ARID5A: variants seen among roughly 807,000 people sequenced by gnomAD.
ARID5A encodes the protein AT-rich interactive domain-containing protein 5A.
ARID5A carries 14 observed loss-of-function variants against 30.5 expected under a neutral mutation model. That is an observed-to-expected ratio of 0.46 (90% CI 0.30 to 0.72). The LOEUF (loss-of-function observed/expected upper bound fraction) is 0.72. Ranked by LOEUF, ARID5A falls within the 30% of genes least tolerant of loss-of-function variation. ARID5A has a pLI of 0.07. For synonymous variants in ARID5A, 338 were observed against 340.4 expected (o/e 0.99, Z 0.08); for missense variants, 669 against 786.2 (o/e 0.85, Z 1.78).
intron 1 of ARID5A, among the ~76,000 whole-genome samples, chr2:96,545,705 C>T (rs1297491366): frequency 1.3e-5 from 2 of 151,868 alleles, no homozygotes; most frequent in African/African-American, 4.8e-5. Flanking sequence ...CCTGTAATCC[C>T]AGCACTTTGG....
intron 1 of ARID5A, among the ~76,000 whole-genome samples, chr2:96,544,865 A>C (rs947173535): frequency 7.2e-5 from 11 of 152,236 alleles, no homozygotes; most frequent in African/African-American, 2.7e-4. Context: ...CATTTCAGGT[A>C]CATTTGTGGT....
intron 1 of ARID5A, among the ~76,000 whole-genome samples, chr2:96,538,894 G>C (rs2065794350): frequency 6.6e-6 from 1 of 152,210 alleles, no homozygotes; most frequent in Non-Finnish European, 1.5e-5. Flanking sequence ...GAAAGATGGG[G>C]AGGGAGAGAA....
Position 96,551,085 on chromosome 2 carries a change from TTCTC to T in ARID5A, c.571-11_571-8del. The T allele has an allele frequency of 6.2e-7, 1 of 1,600,986 alleles. No individual in the cohort carries two copies. The highest frequency in any genetic ancestry group is 8.5e-7 in the Non-Finnish European group (1 of 1,172,738). On this transcript the variant is annotated splice_polypyrimidine_tract_variant and intron_variant, in intron 6 of 6. Transcript: ENST00000357485. ...GCTGAGGCAGTCCTGAGGCAAGACT[TTCTC>T]TCATTCCAGATGATGCCAGGAAAGA...
In ARID5A at chr2:96,551,000, G is replaced by A. The variant is rs2104708392; in HGVS notation, c.571-99G>A. 12 of 1,385,974 alleles carry A rather than the reference G, an allele frequency of 8.7e-6. No homozygotes were observed. In the South Asian group the frequency reaches 1.7e-4, roughly 19 times the overall value. The allele number at this position is 1,385,974 out of a possible 1,614,324, so 85.9% of individuals were successfully genotyped here. ...TTCTGTACAGAGGACTGCAGGGGCT[G>A]GCGGGGGACCTGGGCAGGCCTGAAA... On this transcript the variant is annotated intron_variant, in intron 6 of 6. Coordinates refer to ENST00000357485, the MANE Select transcript of ARID5A (RefSeq NM_212481.3). This position sits in a 1 kb window ranked among gnomAD's most constrained non-coding sequence, Gnocchi z 6.6.
chr2:96,547,593 C>T (rs2065951582), intron 2 of ARID5A, 76 bp downstream of exon 2: 1 of 1,346,244 alleles, frequency 7.4e-7, no homozygotes. Context: ...TCCAGGTGAA[C>T]CTGGACACTC....
chr2:96,550,374 G>T lies in ARID5A; in HGVS notation c.410+89G>T. ...CGGGAGGGCCGGGTGGACTCTGCCC[G>T]GAGCGGGCAGGGTATGCGCCGTCCT... On this transcript the variant is annotated intron_variant, in intron 5 of 6. Transcript: ENST00000357485. The surrounding 1 kb of genome is among the most constrained non-coding windows in gnomAD (Gnocchi z 6.6). 1 of 1,427,058 alleles carries T rather than the reference G, an allele frequency of 7.0e-7. No homozygotes were observed. The highest frequency in any genetic ancestry group is 9.1e-7 in the Non-Finnish European group (1 of 1,096,746). The allele number at this position is 1,427,058 out of a possible 1,614,324, so 88.4% of individuals were successfully genotyped here.
In ARID5A at chr2:96,551,789, A is replaced by G. The variant is rs145972469; in HGVS notation, c.1261A>G (p.Met421Val). 3.2e-6 allele frequency: 5 copies of G among 1,554,192 alleles called. No homozygotes were observed. Among genetic ancestry groups the G allele is most frequent in the South Asian group, 1.2e-5 (1 of 81,466 alleles). ...PKPKACWVSP[M>V]AKVPAESPTL... Reference sequence around the variant, plus strand: ...GCCCAAAGCCTGCTGGGTGTCCCCCATGGCCAAGGTCCCAGCCGAGAGCCC... The same window carrying G: ...GCCCAAAGCCTGCTGGGTGTCCCCCGTGGCCAAGGTCCCAGCCGAGAGCCC... Residue 421 changes from methionine (M) to valine (V), a missense_variant, in exon 7 of 7, where the codon ATG (methionine) becomes GTG (valine). Around this residue, in one of 4 missense-constraint regions of ARID5A, gnomAD observed 548 missense variants for 577.4 expected, o/e 0.95. Transcript: ENST00000357485.
intron 2 of ARID5A, among the ~76,000 whole-genome samples, chr2:96,548,562 G>T (rs894679580): frequency 6.6e-6 from 1 of 152,184 alleles, no homozygotes; most frequent in African/African-American, 2.4e-5. Context: ...GAGCCACCGT[G>T]CCCAGCTGGA....
intron 1 of ARID5A, among the ~76,000 whole-genome samples, chr2:96,544,498 C>T (rs1373847870): frequency 2.6e-5 from 4 of 152,230 alleles, no homozygotes; most frequent in Non-Finnish European, 5.9e-5. Flanking sequence ...AATCTACTCA[C>T]TCTGTGTTCT....
rs892783884 is a variant in ARID5A at position 96,536,780 on chromosome 2, C to G, written c.-47C>G. ...TCAGAGAGCGCGGGGTCCGGACAGCCGCGCGCTGAGGGTCTCGGGGCGGGC... is the reference window on the plus strand; with the variant it reads ...TCAGAGAGCGCGGGGTCCGGACAGCGGCGCGCTGAGGGTCTCGGGGCGGGC... On this transcript the variant is annotated 5_prime_UTR_variant, in exon 1 of 7. Transcript: ENST00000357485. The G allele has an allele frequency of 8.2e-6, 10 of 1,225,900 alleles. No individual in the cohort carries two copies. The highest frequency in any genetic ancestry group is 1.6e-5 in the African/African-American group (1 of 64,082). The allele number at this position is 1,225,900 out of a possible 1,614,324, so 75.9% of individuals were successfully genotyped here.
At position 96,549,786 on chromosome 2, in the gene ARID5A, A is replaced by C; in HGVS notation, c.293A>C (p.Lys98Thr). Reference sequence around the variant, plus strand: ...TGGAAGATCTACAAAGCAGTGGAGAAGCTGGGGGCCTATGAGCTGGTAAGG... The same window carrying C: ...TGGAAGATCTACAAAGCAGTGGAGACGCTGGGGGCCTATGAGCTGGTAAGG... ...NLWKIYKAVE[K>T]LGAYELVTGR... Residue 98 changes from lysine (K) to threonine (T), a missense_variant, in exon 4 of 7, where the codon AAG becomes ACG. Coordinates refer to ENST00000357485, the MANE Select transcript of ARID5A (RefSeq NM_212481.3). The surrounding 1 kb of genome is among the most constrained non-coding windows in gnomAD (Gnocchi z 6.1). 1.2e-6 allele frequency: 2 copies of C among 1,613,592 alleles called. No individual in the cohort carries two copies. Among genetic ancestry groups the C allele is most frequent in the Non-Finnish European group, 1.7e-6 (2 of 1,179,824 alleles).
In ARID5A at chr2:96,549,162, AG is replaced by A. The variant is rs1029449912; in HGVS notation, c.121-157del. 8.5e-5 allele frequency among the ~76,000 whole-genome samples: 13 copies of A among 152,162 alleles called. No homozygotes were observed. Among genetic ancestry groups the A allele is most frequent in the Non-Finnish European group, 1.5e-4 (10 of 68,026 alleles). On this transcript the variant is annotated intron_variant, in intron 2 of 6. Coordinates refer to ENST00000357485, the MANE Select transcript of ARID5A (RefSeq NM_212481.3). The surrounding 1 kb of genome is among the most constrained non-coding windows in gnomAD (Gnocchi z 6.1). Reference sequence around the variant, plus strand: ...GCTGACACCTGTGTCTGCCGAACCCAGGAACAGTCACTCCCTCCCAGAACAG... The same window carrying A: ...GCTGACACCTGTGTCTGCCGAACCCAGAACAGTCACTCCCTCCCAGAACAG...
rs370250927 is a variant in ARID5A, at chr2:96,551,704, C to T, written c.1176C>T (p.Asp392=). ...VKEPQLVWGG[D]ANRPSAFHKG... is the part of the protein sequence containing the mutation. ...AGCCCCAGCTGGTGTGGGGCGGAGA[C>T]GCTAACCGCCCTTCTGCGTTCCATA... The change falls in exon 7 of 7, where the codon GAC becomes GAT. Residue 392 remains aspartate (D), a synonymous_variant. Transcript: ENST00000357485. 3.6e-5 allele frequency: 54 copies of T among 1,519,770 alleles called. No individual in the cohort carries two copies. Among genetic ancestry groups the T allele is most frequent in the Middle Eastern group, 1.8e-4 (1 of 5,622 alleles). The allele number at this position is 1,519,770 out of a possible 1,614,324, so 94.1% of individuals were successfully genotyped here. A position where few individuals can be genotyped will look rare whatever the true frequency, so the allele number is the denominator to read the frequency against.
rs1183236984 is a variant in ARID5A at position 96,537,682 on chromosome 2, C to A, written c.4+852C>A. 2 of 176,376 alleles carry A rather than the reference C, an allele frequency of 1.1e-5. No individual in the cohort carries two copies. Among genetic ancestry groups the A allele is most frequent in the Non-Finnish European group, 2.2e-5 (2 of 90,374 alleles). The allele number at this position is 176,376 out of a possible 1,614,324, so 10.9% of individuals were successfully genotyped here. A position where few individuals can be genotyped will look rare whatever the true frequency, so the allele number is the denominator to read the frequency against. On this transcript the variant is annotated intron_variant, in intron 1 of 6. Transcript: ENST00000357485. This position sits in a 1 kb window ranked among gnomAD's most constrained non-coding sequence, Gnocchi z 4.8. ...TGGGCTACGAGCTTGCAGGCGATGC[C>A]CGGCTTCGCGCTCGGCGGGAGCTGC...
Position 96,551,767 on chromosome 2 carries a change from C to T in ARID5A, c.1239C>T (p.Pro413=). 1 of 1,533,372 alleles carries T rather than the reference C, an allele frequency of 6.5e-7. No individual in the cohort carries two copies. The highest frequency in any genetic ancestry group is 8.7e-7 in the Non-Finnish European group (1 of 1,144,508). The allele number at this position is 1,533,372 out of a possible 1,614,324, so 95.0% of individuals were successfully genotyped here. The stretch of plus-strand genomic sequence containing the variant: ...GAAAGGGCATCCTCTACCCCAAGCC[C>T]AAAGCCTGCTGGGTGTCCCCCATGG... ...GSRKGILYPK[P]KACWVSPMAK... The change falls in exon 7 of 7, where the codon CCC becomes CCT. Residue 413 remains proline, a synonymous_variant. Transcript: ENST00000357485.
chr2:96,547,312 G>A, intron 1 of ARID5A, 90 bp from the exon 2 acceptor site: 2 of 1,126,884 alleles, frequency 1.8e-6, no homozygotes, highest in Non-Finnish European at 1.3e-6. Flanking sequence ...CCAATTGGGA[G>A]TAGGGAGAGT....
chr2:96,552,029 A>G lies in ARID5A; in HGVS notation c.1501A>G (p.Arg501Gly). 6.5e-7 allele frequency: 1 copy of G among 1,538,646 alleles called. No individual in the cohort carries two copies. The highest frequency in any genetic ancestry group is 8.7e-7 in the Non-Finnish European group (1 of 1,143,186). The change falls in exon 7 of 7, where the codon AGG becomes GGG. Residue 501 changes from arginine (R) to glycine (G), a missense_variant. Coordinates refer to ENST00000357485, the MANE Select transcript of ARID5A (RefSeq NM_212481.3). ...ALGPVPPEAYRGTMLHCPLNF... is the reference protein window; with the variant it reads ...ALGPVPPEAYGGTMLHCPLNF... ...GGGGCCTGTGCCCCCAGAGGCCTAC[A>G]GGGGCACCATGCTGCACTGCCCGCT...
At position 96,551,437 on chromosome 2, in the gene ARID5A, GCTGA is replaced by G. The variant is rs2066040974; in HGVS notation, c.914_917del (p.Thr305ArgfsTer7). 1 of 1,596,750 alleles carries G rather than the reference GCTGA, an allele frequency of 6.3e-7. No individual in the cohort carries two copies. The highest frequency in any genetic ancestry group is 8.5e-7 in the Non-Finnish European group (1 of 1,172,332). Reference sequence around the variant, plus strand: ...CAGAGAGTCCCCAGAGCCCCAAAGGGCTGACTGAGAACTCCAGGCACCGGCTGAC... The same window carrying G: ...CAGAGAGTCCCCAGAGCCCCAAAGGGCTGAGAACTCCAGGCACCGGCTGAC... On this transcript the variant is annotated frameshift_variant, in exon 7 of 7. Coordinates refer to ENST00000357485, the MANE Select transcript of ARID5A (RefSeq NM_212481.3). LOFTEE classifies it low-confidence loss of function (END_TRUNC).
In ARID5A at chr2:96,539,498, C is replaced by T. The variant is rs567705391; in HGVS notation, c.4+2668C>T. On this transcript the variant is annotated intron_variant, in intron 1 of 6. Transcript: ENST00000357485. This position sits in a 1 kb window ranked among gnomAD's most constrained non-coding sequence, Gnocchi z 4.7. ...TGCCTTTGCATACCTGCCTTTGCTT[C>T]GCCAGGTTGGTTGGGCCCTGGCCAG... Among the ~76,000 whole-genome samples, 13 of 152,246 alleles carry T rather than the reference C, an allele frequency of 8.5e-5. No individual in the cohort carries two copies. Among genetic ancestry groups the T allele is most frequent in the East Asian group, 7.7e-4 (4 of 5,192 alleles).
Sources: gnomAD v4.1 joint callset for allele counts (sites outside exome capture counted in the v4.1 genomes callset) on GRCh38, gnomAD v4.1.1 for gene constraint, gnomAD v4.1.1 regional missense constraint, Gnocchi (gnomAD v3.1) non-coding constraint, MANE v1.5 for transcripts, NCBI Gene and HGNC (gene_info 2026-07-23, HGNC 2026-07-21) for gene names.